The following CCBE1 variants were observed in gnomAD, a reference collection of about 807,000 sequenced individuals.
CCBE1 encodes collagen and calcium binding EGF domains 1, also known as collagen and calcium-binding EGF domain-containing protein 1.
CCBE1 carries 37 observed loss-of-function variants against 50.0 expected under a neutral mutation model. That is an observed-to-expected ratio of 0.74 (90% confidence interval 0.57 to 0.97). The LOEUF (loss-of-function observed/expected upper bound fraction) is 0.97, where lower values mean the gene tolerates loss of function less well. Among genes scored for constraint, CCBE1 ranks in the 50% least tolerant of loss-of-function variants. CCBE1 has a pLI of 0.00. For synonymous variants in CCBE1, 234 were observed against 203.7 expected (o/e 1.15, Z -1.27); for missense variants, 538 against 523.8 (o/e 1.03, Z -0.26).
At position 59,683,843 on chromosome 18, in the gene CCBE1, A is replaced by C. The variant is rs1379030027; in HGVS notation, c.212+12786T>G. Among the ~76,000 whole-genome samples the C allele has an allele frequency of 2.6e-5, 4 of 152,044 alleles. No individual in the cohort carries two copies. In the East Asian group the frequency reaches 7.7e-4, roughly 29 times the overall value. On this transcript the variant is annotated intron_variant, in intron 2 of 10. Coordinates refer to ENST00000439986, the MANE Select transcript of CCBE1 (RefSeq NM_133459.4). ...CAAGCTGGGGTGTCCCTGCTGGAGC[A>C]TCCCAGTCAGTACACATGAGCTCCC...
chr18:59,442,462 T>C (rs1910477910), intron 7 of CCBE1, among the ~76,000 whole-genome samples: 1 of 152,168 alleles, frequency 6.6e-6, no homozygotes, highest in South Asian at 2.1e-4. Context: ...GTGCGGTGGC[T>C]CATGCCTGTA....
intron 6 of CCBE1, among the ~76,000 whole-genome samples, chr18:59,452,958 C>T (rs1258833679): frequency 1.3e-5 from 2 of 152,036 alleles, no homozygotes; most frequent in Admixed American, 6.6e-5. Context: ...TTAAGATGAC[C>T]TCGTGGATTT....
intron 5 of CCBE1, among the ~76,000 whole-genome samples, chr18:59,461,655 T>C (rs1434056939): frequency 6.6e-6 from 1 of 151,854 alleles, no homozygotes; most frequent in East Asian, 1.9e-4. Flanking sequence ...CTTTTAAGAC[T>C]ATTTGCAATT....
At chr18:59,563,019 T>C (rs1320051143) in intron 2 of CCBE1, among the ~76,000 whole-genome samples, 2 of 152,258 alleles carry the variant, frequency 1.3e-5, no homozygotes, top group Non-Finnish European at 2.9e-5. Flanking sequence ...GGCATGTTTA[T>C]GAGTTTATGT....
At chr18:59,480,044 T>G in intron 3 of CCBE1, 142 bp downstream of exon 3, 1 of 638,526 alleles carries the variant, frequency 1.6e-6, no homozygotes, top group South Asian at 2.2e-5. Flanking sequence ...TCAGAAAAAT[T>G]TGATGCCAAA....
At chr18:59,676,032 C>A (rs2054497267) in intron 2 of CCBE1, among the ~76,000 whole-genome samples, 1 of 152,198 alleles carries the variant, frequency 6.6e-6, no homozygotes, top group Non-Finnish European at 1.5e-5. Flanking sequence ...GCAAAAACAG[C>A]AAGAACTATA....
intron 2 of CCBE1, among the ~76,000 whole-genome samples, chr18:59,554,886 A>C (rs940213264): frequency 9.2e-5 from 14 of 152,232 alleles, no homozygotes; most frequent in African/African-American, 3.4e-4. Flanking sequence ...CACTACCTGC[A>C]AATGTACTCA....
At chr18:59,529,772 A>G (rs1914976303) in intron 2 of CCBE1, among the ~76,000 whole-genome samples, 1 of 150,900 alleles carries the variant, frequency 6.6e-6, no homozygotes, top group Admixed American at 6.6e-5. Context: ...GGAGCCTCCA[A>G]CTGCAGCTGT....
At chr18:59,645,757 C>T (rs991907430) in intron 2 of CCBE1, among the ~76,000 whole-genome samples, 42 of 152,216 alleles carry the variant, frequency 2.8e-4, no homozygotes, top group African/African-American at 9.9e-4. Flanking sequence ...ACAGGCTGGG[C>T]GCGGTGGCTC....
At chr18:59,683,394 CT>C (rs577410726) in intron 2 of CCBE1, among the ~76,000 whole-genome samples, 93 of 152,226 alleles carry the variant, frequency 6.1e-4, no homozygotes, top group Admixed American at 1.2e-3. Context: ...GGGAATTTTT[CT>C]TTTTTTAAAA....
intron 2 of CCBE1, among the ~76,000 whole-genome samples, chr18:59,541,743 C>A (rs564424411): frequency 4.6e-5 from 7 of 152,180 alleles, no homozygotes; most frequent in African/African-American, 9.6e-5. Context: ...AAGGAAGACA[C>A]AAGATAACAC....
Position 59,450,450 on chromosome 18 carries a change from C to T in CCBE1, c.655-2347G>A, listed in dbSNP as rs78941541. Among the ~76,000 whole-genome samples, 2,254 of 152,222 alleles carry T rather than the reference C, an allele frequency of 0.015. 119 individuals carry two copies. In the East Asian group the frequency reaches 0.21, roughly 14 times the overall value. ...TACCGAGAGTCACACAGCCAGCAGACGGTGGGTCTAGAATTTAAACTTAGC... is the reference window on the plus strand; with the variant it reads ...TACCGAGAGTCACACAGCCAGCAGATGGTGGGTCTAGAATTTAAACTTAGC... On this transcript the variant is annotated intron_variant, in intron 6 of 10. Coordinates refer to ENST00000439986, the MANE Select transcript of CCBE1 (RefSeq NM_133459.4).
At chr18:59,445,803 C>G (rs1910642397) in intron 7 of CCBE1, among the ~76,000 whole-genome samples, 1 of 152,190 alleles carries the variant, frequency 6.6e-6, no homozygotes, top group Admixed American at 6.5e-5. Context: ...AATCAGTACA[C>G]TACAGAGATC....
chr18:59,681,135 C>T (rs2054584299), intron 2 of CCBE1, among the ~76,000 whole-genome samples: 1 of 151,908 alleles, frequency 6.6e-6, no homozygotes, highest in Non-Finnish European at 1.5e-5. Flanking sequence ...TCACCATTTC[C>T]CTCGGAATCT....
intron 2 of CCBE1, among the ~76,000 whole-genome samples, chr18:59,625,848 T>C (rs1452799769): frequency 6.6e-6 from 1 of 152,124 alleles, no homozygotes; most frequent in Non-Finnish European, 1.5e-5. Context: ...CATGAATGAT[T>C]AGTAACTTGT....
intron 2 of CCBE1, among the ~76,000 whole-genome samples, chr18:59,632,641 T>A (rs2053864172): frequency 6.6e-6 from 1 of 152,052 alleles, no homozygotes. Flanking sequence ...CAGGCTGGAG[T>A]GCAGTGGCAC....
At position 59,439,756 on chromosome 18, in the gene CCBE1, G is replaced by T. The variant is rs1429521888; in HGVS notation, c.836C>A (p.Pro279His). 1.2e-6 allele frequency: 2 copies of T among 1,614,090 alleles called. No homozygotes were observed. Among genetic ancestry groups the T allele is most frequent in the Admixed American group, 3.3e-5 (2 of 60,012 alleles). ...GGGTCCCATTGAGCCCCGTGGGCCG[G>T]GCTGCCCAGGAGGGCCTGGCATACC... ...FPGMPGPPGQ[P>H]GPRGSMGPMG... The change falls in exon 8 of 11, where the codon CCC (proline) becomes CAC (histidine). Residue 279 changes from proline (P) to histidine (H), a missense_variant. By Grantham distance (77) the Pro-to-His change is moderately conservative (BLOSUM62 -2). Coordinates refer to ENST00000439986, the MANE Select transcript of CCBE1 (RefSeq NM_133459.4).
At chr18:59,438,207 CTATT>C in intron 9 of CCBE1, 61 bp from the exon 10 acceptor site, 7 of 1,418,700 alleles carry the variant, frequency 4.9e-6, no homozygotes, top group Non-Finnish European at 7.0e-6. Flanking sequence ...AGAATAGTCT[CTATT>C]TATACACCCA....
chr18:59,578,560 A>G (rs1458814434), intron 2 of CCBE1, among the ~76,000 whole-genome samples: 4 of 152,372 alleles, frequency 2.6e-5, no homozygotes, highest in East Asian at 1.9e-4. Flanking sequence ...ATGCCCATCA[A>G]TGACAGACTG....
Sources: allele counts gnomAD v4.1 joint callset (sites outside exome capture counted in the v4.1 genomes callset), GRCh38; gene constraint gnomAD v4.1.1; transcripts MANE v1.5; gene names NCBI Gene and HGNC (gene_info 2026-07-23, HGNC 2026-07-21).